The following LACTB2 variants were observed in gnomAD, a reference collection of about 807,000 sequenced individuals.
The protein encoded by LACTB2 is endoribonuclease LACTB2.
Under a neutral mutation model 34.8 loss-of-function variants are expected in LACTB2, and 32 were observed. The ratio of observed to expected loss-of-function variants is 0.92; its 90% CI spans 0.69 to 1.24. The LOEUF is 1.24. Among genes scored for constraint, LACTB2 ranks in the 50% most tolerant of loss-of-function variants. The pLI, the probability that LACTB2 is intolerant of heterozygous loss-of-function variation, is 0.00. For synonymous variants in LACTB2, 120 were observed against 117.5 expected, an observed-to-expected ratio of 1.02 and a Z score of -0.14; for missense variants, 320 against 345.0, an observed-to-expected ratio of 0.93 and a Z score of 0.57.
At chr8:70,648,963 G>A (rs1818302020) in intron 3 of LACTB2, among the ~76,000 whole-genome samples, 1 of 150,396 alleles carries the variant, frequency 6.6e-6, no homozygotes, top group South Asian at 2.1e-4. Context: ...GCAATCAGAA[G>A]GGCTTTAGAT....
rs575120977 is a variant in LACTB2 at position 70,668,933 on chromosome 8, G to A, written c.122+66C>T. 5 of 1,543,764 alleles carry A rather than the reference G, an allele frequency of 3.2e-6. No individual in the cohort carries two copies. The Admixed American group carries it at 9.9e-5, about 31-fold the overall frequency. On this transcript the variant is annotated intron_variant, in intron 1 of 6. Transcript: ENST00000276590. Reference sequence around the variant, plus strand: ...CGCTCTCCACTGCCCGCGCAGCCGCGATCAGTCAAAGCCCGGGCTCCGGGG... The same window carrying A: ...CGCTCTCCACTGCCCGCGCAGCCGCAATCAGTCAAAGCCCGGGCTCCGGGG...
At chr8:70,652,852 T>C (rs1238357407) in intron 3 of LACTB2, 1 of 151,986 alleles carries the variant, frequency 6.6e-6, no homozygotes, top group African/African-American at 2.4e-5. Context: ...CAGCTGCATA[T>C]CTTTAATCTG....
chr8:70,640,923 C>A lies in LACTB2; in HGVS notation c.720G>T (p.Glu240Asp). 1 of 1,595,224 alleles carries A rather than the reference C, an allele frequency of 6.3e-7. No homozygotes were observed. The highest frequency in any genetic ancestry group is 1.2e-5 in the South Asian group (1 of 86,300). ...TTACCTTGTAAATAATTTTTACAAG[C>A]TCCATTACTGTAAATGATTTCTCAA... ...ENFEKSFTVMELVKIIYKNTP... is the reference protein window; with the variant it reads ...ENFEKSFTVMDLVKIIYKNTP... Residue 240 changes from glutamate (E) to aspartate (D), a missense_variant, in exon 5 of 7, where the codon GAG becomes GAT. Physicochemically the swap from Glu to Asp is conservative, Grantham distance 45 (BLOSUM62 2). Coordinates refer to ENST00000276590, the MANE Select transcript of LACTB2 (RefSeq NM_016027.3).
intron 1 of LACTB2, among the ~76,000 whole-genome samples, chr8:70,664,071 TG>T (rs1243982253): frequency 6.6e-6 from 1 of 152,216 alleles, no homozygotes; most frequent in African/African-American, 2.4e-5. Flanking sequence ...AGATTTTGGC[TG>T]CCTCCATGCA....
chr8:70,652,646 A>G (rs1178534409), intron 3 of LACTB2: 5 of 152,240 alleles, frequency 3.3e-5, no homozygotes, highest in African/African-American at 1.2e-4. Flanking sequence ...AGGGGAAGCA[A>G]GCACAAGGGA....
intron 5 of LACTB2, 200 bp downstream of exon 5, chr8:70,640,702 G>A (rs543337257): frequency 1.1e-5 from 5 of 460,212 alleles, no homozygotes; most frequent in Non-Finnish European, 1.7e-5. Flanking sequence ...TTCAATGATG[G>A]CTCGAAATGG....
At chr8:70,657,614 T>C (rs1818427870) in intron 3 of LACTB2, 142 bp downstream of exon 3, 1 of 634,138 alleles carries the variant, frequency 1.6e-6, no homozygotes, top group Non-Finnish European at 2.5e-6. Context: ...TTTTTTTTGG[T>C]ATTGCCCAGG....
At chr8:70,639,250 C>A (rs1380862472) in intron 5 of LACTB2, among the ~76,000 whole-genome samples, 2 of 151,978 alleles carry the variant, frequency 1.3e-5, no homozygotes, top group Non-Finnish European at 2.9e-5. Flanking sequence ...ACCTCCACCT[C>A]CCAGGTTCAA....
At chr8:70,656,855 T>A (rs1818417644) in intron 3 of LACTB2, among the ~76,000 whole-genome samples, 1 of 152,100 alleles carries the variant, frequency 6.6e-6, no homozygotes, top group African/African-American at 2.4e-5. Context: ...TGACAAATAT[T>A]TTTGATGTAA....
At chr8:70,638,033 A>G (rs1166940046) in intron 6 of LACTB2, 130 bp from the exon 7 acceptor site, 1 of 480,426 alleles carries the variant, frequency 2.1e-6, no homozygotes, top group Non-Finnish European at 3.6e-6. Context: ...AAAGTTGGGT[A>G]TTTTTGGTAC....
intron 3 of LACTB2, among the ~76,000 whole-genome samples, chr8:70,651,008 G>T (rs1031319437): frequency 6.6e-6 from 1 of 151,856 alleles, no homozygotes; most frequent in East Asian, 1.9e-4. Context: ...ACAGTGAAAA[G>T]ACATTTGATA....
intron 4 of LACTB2, among the ~76,000 whole-genome samples, chr8:70,642,980 C>T (rs1225666332): frequency 6.6e-6 from 1 of 152,108 alleles, no homozygotes; most frequent in Non-Finnish European, 1.5e-5. Context: ...CAAAGTTACA[C>T]AGCTAAAATG....
At chr8:70,647,089 T>C (rs776822978) in intron 3 of LACTB2, among the ~76,000 whole-genome samples, 1 of 152,168 alleles carries the variant, frequency 6.6e-6, no homozygotes, top group Non-Finnish European at 1.5e-5. Context: ...AGCCTCTCCA[T>C]TTTACATTTT....
At chr8:70,660,970 G>C (rs921429593) in intron 2 of LACTB2, 1 of 454,754 alleles carries the variant, frequency 2.2e-6, no homozygotes, top group Non-Finnish European at 4.4e-6. Context: ...TGTAGAGACA[G>C]GGTCTTGCTA....
chr8:70,644,906 T>C (rs1818242857), intron 3 of LACTB2, among the ~76,000 whole-genome samples: 1 of 152,178 alleles, frequency 6.6e-6, no homozygotes, highest in Non-Finnish European at 1.5e-5. Context: ...GGAGAGCTTT[T>C]ATTATTACAG....
intron 3 of LACTB2, among the ~76,000 whole-genome samples, chr8:70,650,326 G>A (rs1238838660): frequency 3.9e-5 from 6 of 152,140 alleles, no homozygotes; most frequent in African/African-American, 1.4e-4. Flanking sequence ...CAACAGTGAA[G>A]CTCTAGTAAA....
chr8:70,658,064 A>G (rs1157125603), intron 2 of LACTB2, among the ~76,000 whole-genome samples, 182 bp from the exon 3 acceptor site: 1 of 152,194 alleles, frequency 6.6e-6, no homozygotes, highest in African/African-American at 2.4e-5. Flanking sequence ...ATATCTTTCA[A>G]CCAAACAGCT....
chr8:70,665,874 G>A (rs1328837200), intron 1 of LACTB2, among the ~76,000 whole-genome samples: 1 of 152,200 alleles, frequency 6.6e-6, no homozygotes, highest in South Asian at 2.1e-4. Flanking sequence ...TAAAATTGCA[G>A]TTTTTAAAGG....
chr8:70,660,692 G>C (rs1040237031), intron 2 of LACTB2: 5 of 456,298 alleles, frequency 1.1e-5, no homozygotes, highest in Non-Finnish European at 2.2e-5. Context: ...GTCCACTCTG[G>C]ATATAACAGC....
Sources: gnomAD v4.1 joint callset for allele counts (sites outside exome capture counted in the v4.1 genomes callset) on GRCh38, gnomAD v4.1.1 for gene constraint, MANE v1.5 for transcripts, NCBI Gene and HGNC (gene_info 2026-07-23, HGNC 2026-07-21) for gene names.